PLCB2: variants seen among roughly 807,000 people sequenced by gnomAD.
The protein encoded by PLCB2 is phospholipase C beta 2.
In PLCB2, 115 loss-of-function variants were observed where a neutral mutation model predicts 141.7. The ratio of observed to expected loss-of-function variants is 0.81; its 90% CI spans 0.70 to 0.95. The LOEUF (loss-of-function observed/expected upper bound fraction) is 0.95, where lower values mean the gene tolerates loss of function less well. PLCB2 is among the 40% of genes least tolerant of loss of function. The probability of loss-of-function intolerance (pLI) is 0.00; values close to 1 mark genes in which losing one functional copy is unlikely to be tolerated. For synonymous variants in PLCB2, 603 were observed against 595.6 expected, an observed-to-expected ratio of 1.01 and a Z score of -0.18; for missense variants, 1,403 against 1,541.1, an observed-to-expected ratio of 0.91 and a Z score of 1.50.
chr15:40,294,475 T>C, intron 18 of PLCB2, 55 bp from the exon 19 acceptor site: 2 of 1,583,790 alleles, frequency 1.3e-6, no homozygotes, highest in Non-Finnish European at 1.7e-6. Context: ...CTGTGCCCAG[T>C]CTCCATTTCC....
Position 40,298,348 on chromosome 15 carries a change from T to A in PLCB2, c.1030A>T (p.Met344Leu). The change falls in exon 11 of 32, where the codon ATG (methionine) becomes TTG (leucine). Residue 344 changes from methionine (M) to leucine (L), a missense_variant. By Grantham distance (15) the Met-to-Leu change is conservative. This residue lies in a region of PLCB2 where 975 missense variants were observed against 1,141.1 expected (regional missense o/e 0.85). Coordinates refer to ENST00000260402, the MANE Select transcript of PLCB2 (RefSeq NM_004573.3). The stretch of plus-strand genomic sequence containing the variant: ...CCAGAGAGCAGCACCTGGCGGTACA[T>A]CTCAGCCGAGGAGAGGCCTGAGAAC... The part of the protein sequence containing the change: ...GQFSGLSSAE[M>L]YRQVLLSGCR... 6.3e-7 allele frequency: 1 copy of A among 1,598,802 alleles called. No individual in the cohort carries two copies. Among genetic ancestry groups the A allele is most frequent in the Non-Finnish European group, 8.5e-7 (1 of 1,170,064 alleles).
intron 27 of PLCB2, 35 bp from the exon 28 acceptor site, chr15:40,290,872 C>T: frequency 7.7e-7 from 1 of 1,306,206 alleles, no homozygotes; most frequent in Non-Finnish European, 1.1e-6. Context: ...GCGAGAAGCC[C>T]TTTGTTGTTC....
At position 40,297,807 on chromosome 15, in the gene PLCB2, G is replaced by C. The variant is rs1017482608; in HGVS notation, c.1238+70C>G. 3.2e-6 allele frequency: 4 copies of C among 1,251,072 alleles called. No homozygotes were observed. The Admixed American group carries it at 6.9e-5, about 21-fold the overall frequency. The allele number at this position is 1,251,072 out of a possible 1,614,324, so 77.5% of individuals were successfully genotyped here. A position where few individuals can be genotyped will look rare whatever the true frequency, so the allele number is the denominator to read the frequency against. ...AATGGTTAGAGGCTGGGGCAGTTGT[G>C]GGGAGGACAGTTGCAGACAGGAGAC... On this transcript the variant is annotated intron_variant, in intron 12 of 31. Coordinates refer to ENST00000260402, the MANE Select transcript of PLCB2 (RefSeq NM_004573.3). This position sits in a 1 kb window ranked among gnomAD's most constrained non-coding sequence, Gnocchi z 4.2.
intron 1 of PLCB2, among the ~76,000 whole-genome samples, chr15:40,306,474 G>C (rs1053645273): frequency 2.0e-5 from 3 of 152,158 alleles, no homozygotes; most frequent in African/African-American, 7.2e-5. Flanking sequence ...GAGGAACTGA[G>C]AGAGGCCACT....
At position 40,297,559 on chromosome 15, in the gene PLCB2, C is replaced by T; in HGVS notation, c.1285G>A (p.Gly429Arg). The T allele has an allele frequency of 6.2e-7, 1 of 1,614,172 alleles. No homozygotes were observed. The highest frequency in any genetic ancestry group is 1.3e-5 in the African/African-American group (1 of 75,064). ...AGGGGCTCTGTGAGCAGCATATCCC[C>T]AAAGATCGTCCGGCAATACTCAGCC... ...KMAEYCRTIFGDMLLTEPLEK... is the reference protein window; with the variant it reads ...KMAEYCRTIFRDMLLTEPLEK... The change falls in exon 13 of 32, where the codon GGG (glycine) becomes AGG (arginine). Residue 429 changes from glycine (G) to arginine (R), a missense_variant. Physicochemically the swap from Gly to Arg is moderately radical, Grantham distance 125. Coordinates refer to ENST00000260402, the MANE Select transcript of PLCB2 (RefSeq NM_004573.3). This position sits in a 1 kb window ranked among gnomAD's most constrained non-coding sequence, Gnocchi z 4.2.
rs778370202 is a variant in PLCB2 at position 40,301,999 on chromosome 15, C to T, written c.540G>A (p.Arg180=). Residue 180 remains arginine (R), a synonymous_variant, in exon 7 of 32, where the codon CGG becomes CGA. Transcript: ENST00000260402. The part of the protein sequence containing the change: ...FFQMFPADRK[R]VEAALSACHL... ...GGCAGGCACTGAGAGCAGCTTCCAC[C>T]CGCTTGCGGTCAGCAGGAAACATCT... The T allele has an allele frequency of 4.3e-6, 7 of 1,614,010 alleles. No individual in the cohort carries two copies. In the East Asian group the frequency reaches 1.3e-4, roughly 31 times the overall value.
chr15:40,301,156 G>A, intron 7 of PLCB2: 1 of 191,004 alleles, frequency 5.2e-6, no homozygotes, highest in South Asian at 9.0e-5. Context: ...AGCTGTGGCT[G>A]TGGGGTAAAT....
rs551814652 is a variant in PLCB2, at chr15:40,297,697, C to T, written c.1239-92G>A. The T allele has an allele frequency of 1.8e-6, 2 of 1,138,134 alleles. No homozygotes were observed. Among genetic ancestry groups the T allele is most frequent in the South Asian group, 2.7e-5 (2 of 74,762 alleles). 70.5% of individuals were successfully genotyped at this position (1,138,134 alleles called of 1,614,324 possible). ...TGCCCTTGATGACCCAGATCAGGGG[C>T]CAGGAGGTCAGGGAGGCTGGGACTC... On this transcript the variant is annotated intron_variant, in intron 12 of 31. Coordinates refer to ENST00000260402, the MANE Select transcript of PLCB2 (RefSeq NM_004573.3). The surrounding 1 kb of genome is among the most constrained non-coding windows in gnomAD (Gnocchi z 4.2).
intron 20 of PLCB2, 138 bp from the exon 21 acceptor site, chr15:40,293,163 A>T (rs1027214602): frequency 9.9e-6 from 6 of 608,712 alleles, no homozygotes; most frequent in Non-Finnish European, 1.8e-5. Flanking sequence ...GACAGAGGGC[A>T]CACTCTAGGC....
At chr15:40,302,231 G>A in intron 5 of PLCB2, 39 bp downstream of exon 5, 1 of 1,613,778 alleles carries the variant, frequency 6.2e-7, no homozygotes. Flanking sequence ...GGGCTGGCAT[G>A]CTCAGCACCA....
chr15:40,307,737 GC>G lies in PLCB2; in HGVS notation c.-66del. The G allele has an allele frequency of 2.1e-6, 3 of 1,410,692 alleles. No individual in the cohort carries two copies. Among genetic ancestry groups the G allele is most frequent in the Non-Finnish European group, 2.9e-6 (3 of 1,041,338 alleles). The allele number at this position is 1,410,692 out of a possible 1,614,324, so 87.4% of individuals were successfully genotyped here. Reference sequence around the variant, plus strand: ...AGGCAGGCAGAAGGGCAGGAAGGAGGCCAGCCAGGAGGGGGAGCCAAGCTGG... The same window carrying G: ...AGGCAGGCAGAAGGGCAGGAAGGAGGCAGCCAGGAGGGGGAGCCAAGCTGG... On this transcript the variant is annotated 5_prime_UTR_variant, in exon 1 of 32. Coordinates refer to ENST00000260402, the MANE Select transcript of PLCB2 (RefSeq NM_004573.3).
Position 40,292,325 on chromosome 15 carries a change from C to T in PLCB2, c.2431+14G>A. Reference sequence around the variant, plus strand: ...CAGACACCCCGAGGCTCCTGGCATGCCATGGGCTCCTACCTGCCCAAGCAC... The same window carrying T: ...CAGACACCCCGAGGCTCCTGGCATGTCATGGGCTCCTACCTGCCCAAGCAC... On this transcript the variant is annotated intron_variant, in intron 22 of 31. Transcript: ENST00000260402. 1 of 1,586,784 alleles carries T rather than the reference C, an allele frequency of 6.3e-7. No individual in the cohort carries two copies.
rs767600589 is a variant in PLCB2, at chr15:40,296,903, T to C, written c.1329A>G (p.Lys443=). 1.2e-6 allele frequency: 2 copies of C among 1,613,896 alleles called. No homozygotes were observed. The highest frequency in any genetic ancestry group is 1.1e-5 in the South Asian group (1 of 91,072). ...LTEPLEKFPL[K]PGVPLPSPED... ...CAGGGCTGGGCAGGGGGACACCTGG[T>C]TTTAGCTATGGAGTGGAGAGCAGGT... Residue 443 remains lysine (K), a synonymous_variant, in exon 14 of 32, where the codon AAA becomes AAG. Transcript: ENST00000260402.
In PLCB2 at chr15:40,295,236, A is replaced by G. The variant is rs142930709; in HGVS notation, c.1746T>C (p.Tyr582=). 899 of 1,613,996 alleles carry G rather than the reference A, an allele frequency of 5.6e-4. 5 individuals are homozygous for G. In the African/African-American group the frequency reaches 0.011, roughly 20 times the overall value. The change falls in exon 17 of 32, where the codon TAT becomes TAC. Residue 582 remains tyrosine, a synonymous_variant. Coordinates refer to ENST00000260402, the MANE Select transcript of PLCB2 (RefSeq NM_004573.3). ...GCACCGAGGCCTTGGAGAGCAGGTC[A>G]TATGCCTTGAGCTCTGTGAAGGACG... The part of the protein sequence containing the change: ...VISSFTELKA[Y]DLLSKASVQF...
intron 11 of PLCB2, 111 bp downstream of exon 11, chr15:40,298,112 G>A (rs551777531): frequency 3.9e-6 from 5 of 1,283,900 alleles, no homozygotes; most frequent in Non-Finnish European, 5.4e-6. Flanking sequence ...ATGGTCTGAG[G>A]CCTTCCAGCC....
intron 3 of PLCB2, 25 bp from the exon 4 acceptor site, chr15:40,302,634 G>C: frequency 6.2e-7 from 1 of 1,612,698 alleles, no homozygotes; most frequent in Non-Finnish European, 8.5e-7. Context: ...GGTATGGTTA[G>C]GATGGAGGTG....
chr15:40,292,559 C>T (rs768848211), intron 21 of PLCB2, 116 bp from the exon 22 acceptor site: 89 of 635,858 alleles, frequency 1.4e-4, no homozygotes, highest in Non-Finnish European at 2.3e-4. Flanking sequence ...GGCTGTGTGA[C>T]TTCAGCCAGG....
At chr15:40,292,482 G>A (rs371751364) in intron 21 of PLCB2, 39 bp from the exon 22 acceptor site, 51 of 1,430,968 alleles carry the variant, frequency 3.6e-5, no homozygotes, top group Admixed American at 1.9e-4. Context: ...GCCAGAGCCC[G>A]TTCCTGCCAG....
intron 19 of PLCB2, 139 bp downstream of exon 19, chr15:40,294,127 T>C: frequency 1.2e-6 from 1 of 818,266 alleles, no homozygotes; most frequent in Non-Finnish European, 1.9e-6. Context: ...CAAGGCAACT[T>C]GCTACTGCAG....
Sources: gnomAD v4.1 joint callset for allele counts (sites outside exome capture counted in the v4.1 genomes callset) on GRCh38, gnomAD v4.1.1 for gene constraint, gnomAD v4.1.1 regional missense constraint, Gnocchi (gnomAD v3.1) non-coding constraint, MANE v1.5 for transcripts, NCBI Gene and HGNC (gene_info 2026-07-23, HGNC 2026-07-21) for gene names.